The following TLR6 variants were observed in gnomAD, a reference collection of about 807,000 sequenced individuals.
The protein encoded by TLR6 is toll-like receptor 6.
TLR6 carries 9 observed loss-of-function variants against 16.1 expected under a neutral mutation model. The observed-to-expected ratio is 0.56, with a 90% confidence interval of 0.34 to 0.98. TLR6 has a LOEUF of 0.98. TLR6 is among the 50% of genes least tolerant of loss of function. TLR6 has a pLI of 0.02. For synonymous variants in TLR6, 340 were observed against 338.6 expected (o/e 1.00, Z -0.04); for missense variants, 786 against 921.0 (o/e 0.85, Z 1.90).
At position 38,829,556 on chromosome 4, in the gene TLR6, C is replaced by T. The variant is rs1363647428; in HGVS notation, c.-64-19G>A. ...CCAAATTCTAGAAATATAATATACACTAAGATTAATAAAGATCGGATGGTT... is the reference window on the plus strand; with the variant it reads ...CCAAATTCTAGAAATATAATATACATTAAGATTAATAAAGATCGGATGGTT... On this transcript the variant is annotated intron_variant, in intron 1 of 1. Transcript: ENST00000436693. The T allele has an allele frequency of 2.0e-5, 16 of 788,772 alleles. No individual in the cohort carries two copies. The East Asian group carries it at 3.9e-4, about 19-fold the overall frequency. 48.9% of individuals were successfully genotyped at this position (788,772 alleles called of 1,614,324 possible). A position where few individuals can be genotyped will look rare whatever the true frequency, so the allele number is the denominator to read the frequency against.
the TLR6 span, among the ~76,000 whole-genome samples, chr4:38,863,411 G>A: frequency 6.6e-6 from 1 of 152,192 alleles, no homozygotes; most frequent in East Asian, 1.9e-4. Context: ...CTTCAAACCA[G>A]GATGAAGTCC....
exon 2 of TLR6, chr4:38,823,807 A>G (rs928969581): frequency 4.6e-5 from 7 of 152,218 alleles, no homozygotes; most frequent in African/African-American, 1.7e-4. Flanking sequence ...TACCGGGGCA[A>G]TGGGCCCCGT....
At chr4:38,830,461 T>C (rs1352544560) in intron 1 of TLR6, among the ~76,000 whole-genome samples, 1 of 152,156 alleles carries the variant, frequency 6.6e-6, no homozygotes, top group African/African-American at 2.4e-5. Flanking sequence ...AAGCCTATAG[T>C]CCCAGAACTT....
intron 1 of TLR6, among the ~76,000 whole-genome samples, chr4:38,844,103 T>G (rs1216475416): frequency 6.6e-6 from 1 of 152,070 alleles, no homozygotes; most frequent in Non-Finnish European, 1.5e-5. Flanking sequence ...TCCCCAAACT[T>G]TACACTTAGT....
chr4:38,832,172 A>C (rs1711636068), intron 1 of TLR6, among the ~76,000 whole-genome samples: 1 of 152,248 alleles, frequency 6.6e-6, no homozygotes, highest in Non-Finnish European at 1.5e-5. Flanking sequence ...CAATTAAAAA[A>C]TGAGCCGGAG....
chr4:38,858,901 AAG>A (rs1206212330), upstream of TLR6, among the ~76,000 whole-genome samples: 3 of 149,424 alleles, frequency 2.0e-5, no homozygotes, highest in African/African-American at 5.0e-5. Context: ...GAAAGAAAGA[AAG>A]AAAAGAAAGA....
intron 1 of TLR6, among the ~76,000 whole-genome samples, chr4:38,849,407 G>A (rs932351831): frequency 6.6e-6 from 1 of 152,104 alleles, no homozygotes; most frequent in African/African-American, 2.4e-5. Context: ...CATAATGACA[G>A]ATCAAATTCA....
At chr4:38,860,948 T>TCTTC (rs1452650407), upstream of TLR6, among the ~76,000 whole-genome samples, 1 of 152,146 alleles carries the variant, frequency 6.6e-6, no homozygotes, top group Non-Finnish European at 1.5e-5. Flanking sequence ...TTTTGAAAGC[T>TCTTC]CTTCAGGTGA....
At chr4:38,864,067 G>C in the TLR6 span, among the ~76,000 whole-genome samples, 1 of 152,120 alleles carries the variant, frequency 6.6e-6, no homozygotes. Flanking sequence ...CTACAGATAT[G>C]GCCACTGTTC....
intron 1 of TLR6, among the ~76,000 whole-genome samples, chr4:38,842,775 G>A (rs1180663709): frequency 6.6e-6 from 1 of 151,978 alleles, no homozygotes; most frequent in Non-Finnish European, 1.5e-5. Context: ...ATACCATCAC[G>A]TTGGTAATTA....
chr4:38,853,272 G>C (rs112608049), intron 1 of TLR6, among the ~76,000 whole-genome samples: 33,817 of 145,428 alleles, frequency 0.23, 4,520 homozygotes, highest in Non-Finnish European at 0.28. Context: ...GGAGATATAC[G>C]TAATGTAAAT....
chr4:38,852,648 C>CTCTGTTT, intron 1 of TLR6, among the ~76,000 whole-genome samples: 1 of 151,864 alleles, frequency 6.6e-6, no homozygotes, highest in Non-Finnish European at 1.5e-5. Flanking sequence ...CATCACTGGC[C>CTCTGTTT]ATCAGAGAAA....
chr4:38,841,676 T>C (rs546605516), intron 1 of TLR6, among the ~76,000 whole-genome samples: 1 of 152,362 alleles, frequency 6.6e-6, no homozygotes, highest in East Asian at 1.9e-4. Context: ...TCTGGGCAAC[T>C]ATATATATGC....
chr4:38,828,158 A>C (rs2109407964), exon 2 of TLR6: 1 of 1,614,246 alleles, frequency 6.2e-7, no homozygotes, highest in East Asian at 2.2e-5. Flanking sequence ...GTCAGTAAGC[A>C]TATTTGAAGA....
At chr4:38,860,055 A>T (rs989281315), upstream of TLR6, among the ~76,000 whole-genome samples, 1 of 152,098 alleles carries the variant, frequency 6.6e-6, no homozygotes, top group Admixed American at 6.5e-5. Flanking sequence ...ACTTGTTAAA[A>T]AATGTTGTCT....
At chr4:38,829,779 G>A (rs1373796687) in intron 1 of TLR6, among the ~76,000 whole-genome samples, 1 of 152,232 alleles carries the variant, frequency 6.6e-6, no homozygotes, top group South Asian at 2.1e-4. Context: ...TGCTGCCTGA[G>A]GGATTCACAC....
intron 1 of TLR6, among the ~76,000 whole-genome samples, chr4:38,854,713 C>T (rs1712900025): frequency 6.6e-6 from 1 of 151,964 alleles, no homozygotes; most frequent in Admixed American, 6.6e-5. Context: ...TTTATTTTAG[C>T]AATTCCACTA....
chr4:38,835,963 C>G (rs1471394267), intron 1 of TLR6, among the ~76,000 whole-genome samples: 2 of 151,974 alleles, frequency 1.3e-5, no homozygotes, highest in Non-Finnish European at 2.9e-5. Flanking sequence ...CTAGGAGACA[C>G]AGCAAAAACA....
At chr4:38,829,671 T>C in intron 1 of TLR6, 134 bp from the exon 2 acceptor site, 1 of 521,006 alleles carries the variant, frequency 1.9e-6, no homozygotes, top group Non-Finnish European at 3.4e-6. Context: ...TTTAATGTAA[T>C]ACTTTTTATA....
Sources: allele counts gnomAD v4.1 joint callset (sites outside exome capture counted in the v4.1 genomes callset), GRCh38; gene constraint gnomAD v4.1.1; transcripts MANE v1.5; gene names NCBI Gene and HGNC (gene_info 2026-07-23, HGNC 2026-07-21).